The following F8 variants were observed in gnomAD, a reference collection of about 807,000 sequenced individuals.
The protein encoded by F8 is antihemophilic factor.
A neutral mutation model predicts 140.6 loss-of-function variants in F8; 12 were observed. That is an observed-to-expected ratio of 0.09 (90% CI 0.05 to 0.14). The LOEUF (loss-of-function observed/expected upper bound fraction) is 0.14, where lower values mean the gene tolerates loss of function less well. F8 is among the 10% of genes least tolerant of loss of function. The pLI is 1.00. For synonymous variants in F8, 585 were observed against 614.6 expected (o/e 0.95, Z 0.71); for missense variants, 1,354 against 1,720.7 (o/e 0.79, Z 3.77).
At chrX:155,001,508 T>C (rs1324285071) in intron 1 of F8, among the ~76,000 whole-genome samples, 3 of 109,761 alleles carry the variant, frequency 2.7e-5, no homozygotes, top group Non-Finnish European at 5.7e-5. Context: ...CAGGCTGGTG[T>C]CACACTCCTG....
At chrX:154,974,221 T>C (rs928973399) in intron 6 of F8, among the ~76,000 whole-genome samples, 1 of 111,876 alleles carries the variant, frequency 8.9e-6, no homozygotes, top group Admixed American at 9.5e-5. Flanking sequence ...TGAGGGTGGA[T>C]ATGCTTGTCT....
chrX:154,942,671 G>C (rs1485413124), intron 13 of F8, among the ~76,000 whole-genome samples: 1 of 111,078 alleles, frequency 9.0e-6, no homozygotes, highest in African/African-American at 3.3e-5. Context: ...ATTTTATGAG[G>C]CCAGCATCAT....
At chrX:154,926,254 C>G (rs1262266982) in intron 14 of F8, among the ~76,000 whole-genome samples, 2 of 111,865 alleles carry the variant, frequency 1.8e-5, no homozygotes, top group Non-Finnish European at 3.8e-5. Context: ...TCAGGTATGT[C>G]TTTATTAGCA....
In F8 at chrX:154,915,614, C is replaced by T. The variant is rs183901495; in HGVS notation, c.5220-9041G>A. ...GAAAATGCTTTTATGATTTCTCTCT[C>T]GGATTGTTAGCTCTTGGTATATAGA... On this transcript the variant is annotated intron_variant, in intron 14 of 25. Transcript: ENST00000360256. Among the ~76,000 whole-genome samples the T allele has an allele frequency of 1.7e-4, 19 of 111,564 alleles. No individual in the cohort carries two copies. The East Asian group carries it at 5.3e-3, about 31-fold the overall frequency.
chrX:155,015,346 A>C (rs1341698861), intron 1 of F8, among the ~76,000 whole-genome samples: 3 of 112,300 alleles, frequency 2.7e-5, no homozygotes, highest in Non-Finnish European at 3.8e-5. Context: ...AGAAAAGCTA[A>C]ATTGGACTTA....
At chrX:154,898,336 C>T (rs1227781596) in intron 21 of F8, among the ~76,000 whole-genome samples, 1 of 112,308 alleles carries the variant, frequency 8.9e-6, no homozygotes, top group East Asian at 2.8e-4. Flanking sequence ...CTTAGTAGGA[C>T]AGATGGCAAA....
chrX:154,992,267 A>T (rs1557284730), intron 4 of F8, among the ~76,000 whole-genome samples: 1 of 111,973 alleles, frequency 8.9e-6, no homozygotes, highest in African/African-American at 3.2e-5. Flanking sequence ...TTAAGCCACT[A>T]AATTGTGGAG....
chrX:155,007,379 G>C (rs986614108), intron 1 of F8, among the ~76,000 whole-genome samples: 2 of 112,123 alleles, frequency 1.8e-5, no homozygotes, highest in African/African-American at 6.5e-5. Flanking sequence ...GGACCCAAAA[G>C]CGTGGCTTCC....
intron 22 of F8, among the ~76,000 whole-genome samples, chrX:154,875,736 AGTGT>A (rs35911984): frequency 0.056 from 5,207 of 93,154 alleles, 217 homozygotes; most frequent in African/African-American, 0.14. Context: ...CTAAGAATGT[AGTGT>A]GTGTGTGTGT....
chrX:154,851,588 T>A (rs1214293606), intron 25 of F8, among the ~76,000 whole-genome samples: 8 of 111,655 alleles, frequency 7.2e-5, no homozygotes, highest in Non-Finnish European at 1.3e-4. Context: ...GTTTTTTTTT[T>A]AATTTAGCCA....
intron 22 of F8, among the ~76,000 whole-genome samples, chrX:154,870,528 G>T (rs1281212691): frequency 4.5e-5 from 5 of 111,821 alleles, no homozygotes; most frequent in African/African-American, 1.6e-4. Flanking sequence ...AATAAACTAT[G>T]TATCGGTGGA....
chrX:154,879,309 T>C (rs1466504827), intron 22 of F8, among the ~76,000 whole-genome samples: 1 of 112,158 alleles, frequency 8.9e-6, no homozygotes, highest in Non-Finnish European at 1.9e-5. Context: ...ATAAATGGAA[T>C]AGAATTAAGA....
chrX:154,865,149 G>A (rs1268167722), intron 22 of F8, among the ~76,000 whole-genome samples: 2 of 111,390 alleles, frequency 1.8e-5, no homozygotes, highest in African/African-American at 6.5e-5. Flanking sequence ...TATCTCAGCA[G>A]AAACCTTGCA....
chrX:154,870,974 C>T (rs1167327790), intron 22 of F8, among the ~76,000 whole-genome samples: 5 of 111,406 alleles, frequency 4.5e-5, no homozygotes, highest in Non-Finnish European at 7.5e-5. Context: ...AAAATACCTA[C>T]GAATACAACT....
At chrX:154,862,850 C>T (rs28370247) in intron 23 of F8, among the ~76,000 whole-genome samples, 1,836 of 112,074 alleles carry the variant, frequency 0.016, 15 homozygotes, top group Middle Eastern at 0.037. Flanking sequence ...TGAACATATG[C>T]GTGCATGTGT....
chrX:154,962,249 C>T (rs1218097701), intron 9 of F8, among the ~76,000 whole-genome samples: 1 of 112,047 alleles, frequency 8.9e-6, no homozygotes, highest in Non-Finnish European at 1.9e-5. Context: ...AATTTACAAA[C>T]TTAGGATTCT....
At chrX:154,886,002 C>CATG (rs1211887277) in intron 22 of F8, 1 of 319,758 alleles carries the variant, frequency 3.1e-6, no homozygotes, top group Non-Finnish European at 4.7e-6. Flanking sequence ...AATGCGCAGA[C>CATG]ATGGAATTAG....
intron 25 of F8, among the ~76,000 whole-genome samples, chrX:154,842,260 G>A (rs782108601): frequency 2.7e-5 from 3 of 111,146 alleles, no homozygotes; most frequent in African/African-American, 9.8e-5. Flanking sequence ...GATTGCTCTT[G>A]CCAGAAGTTT....
chrX:155,019,550 T>C (rs1454869677), intron 1 of F8, among the ~76,000 whole-genome samples: 1 of 111,043 alleles, frequency 9.0e-6, no homozygotes, highest in African/African-American at 3.3e-5. Flanking sequence ...TCCTAGCTCT[T>C]TGGGAGGCTG....
Sources: allele counts gnomAD v4.1 joint callset (sites outside exome capture counted in the v4.1 genomes callset), GRCh38; gene constraint gnomAD v4.1.1; transcripts MANE v1.5; gene names NCBI Gene and HGNC (gene_info 2026-07-23, HGNC 2026-07-21).